Variants in ETV6 observed in about 807,000 individuals in gnomAD.
The protein encoded by ETV6 is transcription factor ETV6.
ETV6 carries 16 observed loss-of-function variants against 51.1 expected under a neutral mutation model. The observed-to-expected ratio is 0.31, with a 90% CI of 0.21 to 0.48. ETV6 has a LOEUF of 0.48. Ranked by LOEUF, ETV6 falls within the 20% of genes least tolerant of loss-of-function variation. ETV6 has a pLI of 0.99. For synonymous variants in ETV6, 240 were observed against 224.1 expected (o/e 1.07, Z -0.64); for missense variants, 458 against 594.8 (o/e 0.77, Z 2.39).
intron 4 of ETV6, among the ~76,000 whole-genome samples, chr12:11,861,588 C>A (rs891912967): frequency 1.3e-5 from 2 of 152,172 alleles, no homozygotes; most frequent in Non-Finnish European, 2.9e-5. Flanking sequence ...TCTCTTAAGC[C>A]AGAAGTTTTA....
rs557285846 is a variant in ETV6, at chr12:11,877,375, G to T, written c.1010-7070G>T. Among the ~76,000 whole-genome samples, 494 of 151,962 alleles carry T rather than the reference G, an allele frequency of 3.3e-3. 3 individuals carry two copies. The highest frequency in any genetic ancestry group is 0.011 in the African/African-American group (476 of 41,424). ...GACAGCTAAAAGACCTCGTAAAAGA[G>T]AAGTGTGAAGGGATTGCATGAAAGT... On this transcript the variant is annotated intron_variant, in intron 5 of 7. Transcript: ENST00000396373.
At chr12:11,870,719 A>G (rs1471299291) in intron 5 of ETV6, among the ~76,000 whole-genome samples, 1 of 152,210 alleles carries the variant, frequency 6.6e-6, no homozygotes, top group Non-Finnish European at 1.5e-5. Context: ...GTACAAATAA[A>G]TGCATTAGGA....
At chr12:11,888,393 CTT>C (rs869299738) in intron 7 of ETV6, among the ~76,000 whole-genome samples, 2 of 48,290 alleles carry the variant, frequency 4.1e-5, no homozygotes, top group African/African-American at 1.3e-4. Context: ...CTTTTCTTTT[CTT>C]TTCTTTTTTT....
chr12:11,778,004 C>G (rs1250250042), intron 2 of ETV6, among the ~76,000 whole-genome samples: 1 of 152,180 alleles, frequency 6.6e-6, no homozygotes, highest in African/African-American at 2.4e-5. Flanking sequence ...TCGGCTCACC[C>G]TGGATGGTTC....
At chr12:11,877,203 C>T (rs1196520610) in intron 5 of ETV6, among the ~76,000 whole-genome samples, 1 of 152,132 alleles carries the variant, frequency 6.6e-6, no homozygotes, top group Non-Finnish European at 1.5e-5. Context: ...GCTTCAAGGA[C>T]TGGGAGAAGT....
intron 2 of ETV6, among the ~76,000 whole-genome samples, chr12:11,820,464 A>G (rs1476904540): frequency 1.3e-5 from 2 of 152,212 alleles, no homozygotes; most frequent in Non-Finnish European, 2.9e-5. Context: ...AGAAAACAAA[A>G]ATAAGCAAGA....
chr12:11,733,375 T>G (rs1865637916), intron 1 of ETV6, among the ~76,000 whole-genome samples: 1 of 126,926 alleles, frequency 7.9e-6, no homozygotes, highest in Non-Finnish European at 1.5e-5. Flanking sequence ...ACCACTGCAG[T>G]GCAGCCTGGG....
intron 1 of ETV6, among the ~76,000 whole-genome samples, chr12:11,704,073 T>C (rs1440276197): frequency 6.6e-6 from 1 of 152,260 alleles, no homozygotes; most frequent in African/African-American, 2.4e-5. Context: ...TTATTACAAC[T>C]TGCATGTATT....
intron 4 of ETV6, among the ~76,000 whole-genome samples, chr12:11,863,362 G>T (rs1210262463): frequency 1.3e-5 from 2 of 152,180 alleles, no homozygotes; most frequent in African/African-American, 4.8e-5. Flanking sequence ...GCAGTGAGAA[G>T]AAGGGATTAT....
intron 6 of ETV6, among the ~76,000 whole-genome samples, 159 bp downstream of exon 6, chr12:11,884,746 G>A (rs566896937): frequency 6.6e-6 from 1 of 152,316 alleles, no homozygotes; most frequent in African/African-American, 2.4e-5. Flanking sequence ...GCAAAGGGAA[G>A]GAAATAATTA....
chr12:11,692,797 A>G lies in ETV6; in HGVS notation c.33+42637A>G, dbSNP rs762593375. On this transcript the variant is annotated intron_variant, in intron 1 of 7. Coordinates refer to ENST00000396373, the MANE Select transcript of ETV6 (RefSeq NM_001987.5). ...CCAGGCGTGGTGGTTCACGCCTGTA[A>G]TCGCAGCACTGGGAGGCTGAGGCGG... 7.8e-4 allele frequency among the ~76,000 whole-genome samples: 118 copies of G among 152,130 alleles called. 1 individual carries two copies. The highest frequency in any genetic ancestry group is 7.7e-3 in the Admixed American group (117 of 15,282).
At chr12:11,671,069 G>C (rs2120695553) in intron 1 of ETV6, among the ~76,000 whole-genome samples, 1 of 152,244 alleles carries the variant, frequency 6.6e-6, no homozygotes, top group African/African-American at 2.4e-5. Context: ...TCCCTAGACA[G>C]GGACCTCCTC....
chr12:11,784,790 T>C (rs1359837837), intron 2 of ETV6, among the ~76,000 whole-genome samples: 1 of 151,774 alleles, frequency 6.6e-6, no homozygotes, highest in Non-Finnish European at 1.5e-5. Context: ...CCGCAAACTC[T>C]TGGGCTCATG....
At chr12:11,806,199 C>T (rs933346644) in intron 2 of ETV6, among the ~76,000 whole-genome samples, 1 of 152,168 alleles carries the variant, frequency 6.6e-6, no homozygotes, top group Non-Finnish European at 1.5e-5. Flanking sequence ...GAATGAACTA[C>T]GTATGCCATC....
chr12:11,832,351 G>A (rs903760608), intron 2 of ETV6, among the ~76,000 whole-genome samples: 1 of 152,212 alleles, frequency 6.6e-6, no homozygotes, highest in African/African-American at 2.4e-5. Flanking sequence ...GATTGTAAAA[G>A]CAAACTAAGT....
chr12:11,886,619 GCATCGTAGTCAGAAT>G (rs1428707740), intron 7 of ETV6, among the ~76,000 whole-genome samples: 1 of 152,144 alleles, frequency 6.6e-6, no homozygotes, highest in East Asian at 1.9e-4. Flanking sequence ...TTCTTATAAT[GCATCGTAGTCAGAAT>G]AAGTCTACAA....
intron 1 of ETV6, among the ~76,000 whole-genome samples, chr12:11,716,296 A>C (rs1159461302): frequency 8.0e-6 from 1 of 124,840 alleles, no homozygotes; most frequent in Non-Finnish European, 1.6e-5. Flanking sequence ...ATGCCACTGC[A>C]CTCCAGCCTG....
chr12:11,686,605 GC>G (rs1864633569), intron 1 of ETV6, among the ~76,000 whole-genome samples: 1 of 152,286 alleles, frequency 6.6e-6, no homozygotes, highest in African/African-American at 2.4e-5. Context: ...TTGGCTCACT[GC>G]AACCTCTGCC....
At chr12:11,704,288 GAA>G (rs1865033778) in intron 1 of ETV6, among the ~76,000 whole-genome samples, 1 of 152,222 alleles carries the variant, frequency 6.6e-6, no homozygotes, top group South Asian at 2.1e-4. Flanking sequence ...ATACCAGAGA[GAA>G]GGAGAAGAAG....
Sources: allele counts gnomAD v4.1 joint callset (sites outside exome capture counted in the v4.1 genomes callset), GRCh38; gene constraint gnomAD v4.1.1; transcripts MANE v1.5; gene names NCBI Gene and HGNC (gene_info 2026-07-23, HGNC 2026-07-21).